ATAD1: variants seen among roughly 807,000 people sequenced by gnomAD.
ATAD1 encodes ATPase family AAA domain containing 1.
A neutral mutation model predicts 42.7 loss-of-function variants in ATAD1; 18 were observed. The ratio of observed to expected loss-of-function variants is 0.42; its 90% CI spans 0.29 to 0.63. ATAD1 has a LOEUF of 0.63. Ranked by LOEUF, ATAD1 falls within the 20% of genes least tolerant of loss-of-function variation. The pLI is 0.19. For missense variants in ATAD1, 294 were observed against 440.4 expected, an observed-to-expected ratio of 0.67 and a Z score of 2.98; for synonymous variants, 132 against 143.1, an observed-to-expected ratio of 0.92 and a Z score of 0.55.
At chr10:87,829,550 G>T (rs760357763) in intron 1 of ATAD1, among the ~76,000 whole-genome samples, 3 of 152,104 alleles carry the variant, frequency 2.0e-5, no homozygotes, top group Non-Finnish European at 4.4e-5. Flanking sequence ...CACCTCGCCC[G>T]GCCAGGATTC....
intron 5 of ATAD1, 119 bp downstream of exon 5, chr10:87,784,351 T>G: frequency 1.2e-6 from 1 of 858,814 alleles, no homozygotes. Flanking sequence ...CATATTATGA[T>G]GTTGGTTATG....
intron 2 of ATAD1, among the ~76,000 whole-genome samples, chr10:87,811,822 T>C (rs1857198517): frequency 6.6e-6 from 1 of 152,212 alleles, no homozygotes; most frequent in Admixed American, 6.5e-5. Context: ...AATTGCTATA[T>C]GAACATTTCC....
chr10:87,826,507 T>C (rs192757313), intron 1 of ATAD1, among the ~76,000 whole-genome samples: 2 of 152,336 alleles, frequency 1.3e-5, no homozygotes, highest in East Asian at 3.9e-4. Flanking sequence ...TGTTTTCTTC[T>C]TCTATAGTGT....
chr10:87,831,904 T>C (rs1857836975), intron 1 of ATAD1, among the ~76,000 whole-genome samples: 2 of 152,122 alleles, frequency 1.3e-5, no homozygotes, highest in East Asian at 3.9e-4. Flanking sequence ...GTAAGTACTA[T>C]AATTATTCTC....
At chr10:87,774,395 T>C (rs1712477748) in intron 6 of ATAD1, among the ~76,000 whole-genome samples, 1 of 152,180 alleles carries the variant, frequency 6.6e-6, no homozygotes, top group Non-Finnish European at 1.5e-5. Flanking sequence ...TGGCCAAGGC[T>C]ACACAGCTTG....
In ATAD1 at chr10:87,752,652, T is replaced by C. The variant is rs534311734; in HGVS notation, c.*2035A>G. The C allele has an allele frequency of 3.3e-5, 5 of 152,256 alleles. No homozygotes were observed. The East Asian group carries it at 7.7e-4, about 23-fold the overall frequency. 9.4% of individuals were successfully genotyped at this position (152,256 alleles called of 1,614,324 possible). ...TATCTTAGAATCTAGAATTCAACTA[T>C]ATGTGAAATGCATGTCTAAAACAGA... On this transcript the variant is annotated 3_prime_UTR_variant, in exon 10 of 10. Coordinates refer to ENST00000680024, the MANE Select transcript of ATAD1 (RefSeq NM_001321967.2).
intron 4 of ATAD1, among the ~76,000 whole-genome samples, 174 bp downstream of exon 4, chr10:87,790,136 G>C (rs985578435): frequency 2.0e-5 from 3 of 152,162 alleles, no homozygotes; most frequent in African/African-American, 7.2e-5. Context: ...ACAGGAAAAA[G>C]TTTATCTCAA....
chr10:87,841,273 T>C (rs529415353), exon 1 of ATAD1: 1 of 152,342 alleles, frequency 6.6e-6, no homozygotes, highest in East Asian at 1.9e-4. Context: ...AGCATCATTC[T>C]AGTTTGCAGG....
chr10:87,787,172 T>G (rs556427471), intron 4 of ATAD1, among the ~76,000 whole-genome samples: 5 of 152,232 alleles, frequency 3.3e-5, no homozygotes, highest in Non-Finnish European at 7.3e-5. Context: ...AATTAGTTCT[T>G]TGAGCTTAAT....
At chr10:87,816,097 A>G (rs1236066688) in intron 1 of ATAD1, among the ~76,000 whole-genome samples, 1 of 152,170 alleles carries the variant, frequency 6.6e-6, no homozygotes, top group Non-Finnish European at 1.5e-5. Flanking sequence ...CTATCTTAAA[A>G]AAGTCTTGCT....
chr10:87,801,351 ATTCT>A (rs1856683486), intron 2 of ATAD1, among the ~76,000 whole-genome samples: 1 of 152,290 alleles, frequency 6.6e-6, no homozygotes, highest in East Asian at 1.9e-4. Flanking sequence ...GACCTAATTA[ATTCT>A]TTAAGACATT....
At position 87,776,330 on chromosome 10, in the gene ATAD1, G is replaced by T; in HGVS notation, c.681C>A (p.His227Gln). The change falls in exon 6 of 10, where the codon CAC becomes CAA. Residue 227 changes from histidine (H) to glutamine (Q), a missense_variant. Physicochemically the swap from His to Gln is conservative, Grantham distance 24. Transcript: ENST00000680024. ...MSLWDGLDTD[H>Q]SCQVIVMGAT... ...GATTTTATTCAAATACCTGGCAGCT[G>T]TGATCAGTATCCAATCCATCCCAGA... 2.5e-6 allele frequency: 4 copies of T among 1,611,608 alleles called. No homozygotes were observed. The highest frequency in any genetic ancestry group is 3.4e-6 in the Non-Finnish European group (4 of 1,178,492).
chr10:87,807,243 T>A (rs2132030841), intron 2 of ATAD1, among the ~76,000 whole-genome samples: 1 of 152,306 alleles, frequency 6.6e-6, no homozygotes, highest in East Asian at 1.9e-4. Context: ...TGGTTCCTGC[T>A]TTTTTCCATT....
upstream of ATAD1, chr10:87,819,063 G>A (rs1857564653): frequency 6.6e-6 from 1 of 151,914 alleles, no homozygotes; most frequent in Middle Eastern, 3.2e-3. Context: ...TGTAATGAGA[G>A]TTCTCCCTGT....
upstream of ATAD1, among the ~76,000 whole-genome samples, chr10:87,819,905 G>A (rs1039319642): frequency 1.3e-5 from 2 of 152,200 alleles, no homozygotes. Flanking sequence ...TTCATGGACA[G>A]GAATCAGAAT....
At chr10:87,790,554 T>C (rs1025815447) in intron 3 of ATAD1, 124 bp from the exon 4 acceptor site, 3 of 1,024,222 alleles carry the variant, frequency 2.9e-6, no homozygotes, top group African/African-American at 3.4e-5. Context: ...AAATCATATA[T>C]TAACATAAGT....
chr10:87,754,924 T>C (rs1564735757), intron 9 of ATAD1, 117 bp from the exon 10 acceptor site: 4 of 1,240,426 alleles, frequency 3.2e-6, no homozygotes, highest in East Asian at 2.6e-5. Context: ...TGTTTTCAAC[T>C]GTAGAAAAGG....
intron 2 of ATAD1, among the ~76,000 whole-genome samples, chr10:87,805,950 C>T (rs774870741): frequency 5.9e-5 from 9 of 152,042 alleles, no homozygotes; most frequent in Admixed American, 3.9e-4. Context: ...TTCTATAACA[C>T]GTTTAAAATC....
intron 4 of ATAD1, 99 bp downstream of exon 4, chr10:87,790,209 CTT>C (rs1482992628): frequency 2.2e-6 from 3 of 1,378,606 alleles, no homozygotes; most frequent in Non-Finnish European, 3.0e-6. Context: ...TCAGCATCCT[CTT>C]GAGAATCTGA....
Sources: gnomAD v4.1 joint callset for allele counts (sites outside exome capture counted in the v4.1 genomes callset) on GRCh38, gnomAD v4.1.1 for gene constraint, MANE v1.5 for transcripts, NCBI Gene and HGNC (gene_info 2026-07-23, HGNC 2026-07-21) for gene names.